Variants in ARHGAP15 observed in about 807,000 individuals in gnomAD.
The protein encoded by ARHGAP15 is Rho GTPase activating protein 15.
ARHGAP15 carries 51 observed loss-of-function variants against 63.7 expected under a neutral mutation model. The observed-to-expected ratio is 0.80, with a 90% CI of 0.64 to 1.01. The LOEUF is 1.01. ARHGAP15 is among the 50% of genes least tolerant of loss of function. The pLI is 0.00. For missense variants in ARHGAP15, 560 were observed against 564.6 expected (o/e 0.99, Z 0.08); for synonymous variants, 191 against 193.8 (o/e 0.99, Z 0.12).
intron 8 of ARHGAP15, 145 bp from the exon 9 acceptor site, chr2:143,487,228 T>C (rs1692364108): frequency 1.1e-6 from 1 of 884,922 alleles, no homozygotes; most frequent in Non-Finnish European, 1.7e-6. Flanking sequence ...CAAATTTTAC[T>C]CACATGGCTT....
chr2:143,677,935 C>T (rs552501320), intron 12 of ARHGAP15, among the ~76,000 whole-genome samples: 1 of 152,244 alleles, frequency 6.6e-6, no homozygotes, highest in Admixed American at 6.5e-5. Flanking sequence ...AGGTCAGGTG[C>T]GGTAGCTCAT....
intron 8 of ARHGAP15, among the ~76,000 whole-genome samples, chr2:143,439,102 A>G (rs1467702231): frequency 6.6e-6 from 1 of 152,104 alleles, no homozygotes; most frequent in Non-Finnish European, 1.5e-5. Flanking sequence ...TTATTTTTCT[A>G]CTTTGAGCTT....
intron 10 of ARHGAP15, among the ~76,000 whole-genome samples, chr2:143,555,145 T>C (rs1695733316): frequency 6.6e-6 from 1 of 152,190 alleles, no homozygotes; most frequent in Admixed American, 6.6e-5. Context: ...TTATTACCAA[T>C]GTTATAAGTG....
rs146942810 is a variant in ARHGAP15 at position 143,432,371 on chromosome 2, A to G, written c.475-3230A>G. Reference sequence around the variant, plus strand: ...TTAATTGACAATATTTAAAAGAACAATACTTAAATCAACATAAACACTACT... The same window carrying G: ...TTAATTGACAATATTTAAAAGAACAGTACTTAAATCAACATAAACACTACT... On this transcript the variant is annotated intron_variant, in intron 6 of 13. Coordinates refer to ENST00000295095, the MANE Select transcript of ARHGAP15 (RefSeq NM_018460.4). 7.8e-3 allele frequency among the ~76,000 whole-genome samples: 1,187 copies of G among 152,154 alleles called. 5 individuals are homozygous for G. The highest frequency in any genetic ancestry group is 0.012 in the Non-Finnish European group (809 of 67,952).
chr2:143,458,863 T>C (rs1204419542), intron 8 of ARHGAP15, among the ~76,000 whole-genome samples: 4 of 152,154 alleles, frequency 2.6e-5, no homozygotes, highest in Non-Finnish European at 5.9e-5. Flanking sequence ...TGAGGTAATA[T>C]ATGTAAAAAA....
chr2:143,421,272 A>C (rs1688905149), intron 6 of ARHGAP15, among the ~76,000 whole-genome samples: 1 of 152,190 alleles, frequency 6.6e-6, no homozygotes, highest in South Asian at 2.1e-4. Flanking sequence ...AATCACCCAC[A>C]CAGGGTTATT....
intron 1 of ARHGAP15, among the ~76,000 whole-genome samples, chr2:143,151,072 GA>G (rs2105001900): frequency 6.6e-6 from 1 of 152,100 alleles, no homozygotes; most frequent in Non-Finnish European, 1.5e-5. Flanking sequence ...TAATAATGCA[GA>G]AAGACTCACA....
chr2:143,510,018 T>TAAAAAAAAAAAA (rs35469918), intron 9 of ARHGAP15, among the ~76,000 whole-genome samples: 68 of 48,826 alleles, frequency 1.4e-3, no homozygotes, highest in Non-Finnish European at 2.1e-3. Context: ...GACTCCCTCT[T>TAAAAAAAAAAAA]AAAAAAAAAA....
chr2:143,540,776 T>G (rs1377673633), intron 10 of ARHGAP15, among the ~76,000 whole-genome samples: 4 of 152,152 alleles, frequency 2.6e-5, no homozygotes, highest in South Asian at 4.1e-4. Flanking sequence ...CCCTTTGTGG[T>G]TAACCTGACC....
intron 13 of ARHGAP15, among the ~76,000 whole-genome samples, chr2:143,749,026 C>T (rs532511749): frequency 6.6e-6 from 1 of 152,098 alleles, no homozygotes; most frequent in South Asian, 2.1e-4. Flanking sequence ...CACATTACAA[C>T]TCAAGTACTC....
At chr2:143,632,641 C>A (rs1257278684) in intron 12 of ARHGAP15, among the ~76,000 whole-genome samples, 2 of 152,120 alleles carry the variant, frequency 1.3e-5, no homozygotes, top group Non-Finnish European at 2.9e-5. Flanking sequence ...ATATCCCTGT[C>A]TATACATCAG....
intron 8 of ARHGAP15, among the ~76,000 whole-genome samples, chr2:143,468,713 T>G (rs1272077187): frequency 3.3e-5 from 5 of 151,118 alleles, no homozygotes; most frequent in African/African-American, 1.2e-4. Context: ...GTGTGCATAC[T>G]TCTGAGTTTG....
At chr2:143,722,789 G>T (rs998792928) in intron 13 of ARHGAP15, among the ~76,000 whole-genome samples, 1 of 152,192 alleles carries the variant, frequency 6.6e-6, no homozygotes, top group African/African-American at 2.4e-5. Context: ...ATATAGGTGT[G>T]AGCAGCCTGT....
At chr2:143,535,169 C>T (rs1296711444) in intron 10 of ARHGAP15, among the ~76,000 whole-genome samples, 1 of 152,070 alleles carries the variant, frequency 6.6e-6, no homozygotes, top group Non-Finnish European at 1.5e-5. Flanking sequence ...TCCAAAATAG[C>T]AGGTAACCCA....
Position 143,218,811 on chromosome 2 carries a change from A to G in ARHGAP15, c.296+2366A>G, listed in dbSNP as rs532536668. On this transcript the variant is annotated intron_variant, in intron 4 of 13. Transcript: ENST00000295095. ...TTGCTCCTAGGCTACAAACATTTAC[A>G]GTATGTTGCTGTGCTGAATACTGTA... 3.9e-5 allele frequency among the ~76,000 whole-genome samples: 6 copies of G among 152,282 alleles called. No individual in the cohort carries two copies. The East Asian group carries it at 9.7e-4, about 25-fold the overall frequency.
intron 2 of ARHGAP15, among the ~76,000 whole-genome samples, chr2:143,190,436 T>C (rs1242679394): frequency 1.3e-5 from 2 of 152,212 alleles, no homozygotes; most frequent in African/African-American, 2.4e-5. Context: ...GATATATTTT[T>C]GCCTCTGACA....
chr2:143,414,058 T>A (rs1161458301), intron 6 of ARHGAP15, among the ~76,000 whole-genome samples: 6 of 151,694 alleles, frequency 4.0e-5, no homozygotes, highest in Non-Finnish European at 1.5e-5. Flanking sequence ...ATACAAAATA[T>A]TTTTAGAGGA....
intron 10 of ARHGAP15, among the ~76,000 whole-genome samples, chr2:143,527,019 C>T (rs1305044535): frequency 6.6e-6 from 1 of 151,852 alleles, no homozygotes; most frequent in Non-Finnish European, 1.5e-5. Flanking sequence ...AATTAAGAAA[C>T]CAAATTAATT....
chr2:143,303,536 C>CT (rs1289363561), intron 6 of ARHGAP15, among the ~76,000 whole-genome samples: 4 of 151,912 alleles, frequency 2.6e-5, no homozygotes, highest in African/African-American at 9.7e-5. Context: ...CTAGGCAATA[C>CT]ATTCAGGACA....
Sources: gnomAD v4.1 joint callset for allele counts (sites outside exome capture counted in the v4.1 genomes callset) on GRCh38, gnomAD v4.1.1 for gene constraint, MANE v1.5 for transcripts, NCBI Gene and HGNC (gene_info 2026-07-23, HGNC 2026-07-21) for gene names.